Variants in POGLUT2 observed in about 807,000 individuals in gnomAD.
POGLUT2 encodes the protein ER protein 58.
A neutral mutation model predicts 57.6 loss-of-function variants in POGLUT2; 47 were observed. That is an observed-to-expected ratio of 0.82 (90% CI 0.65 to 1.04). The LOEUF (loss-of-function observed/expected upper bound fraction) is 1.04, where lower values mean the gene tolerates loss of function less well. POGLUT2 is among the 50% of genes least tolerant of loss of function. The pLI, the probability that POGLUT2 is intolerant of heterozygous loss-of-function variation, is 0.00. For missense variants in POGLUT2, 565 were observed against 614.8 expected, an observed-to-expected ratio of 0.92 and a Z score of 0.86; for synonymous variants, 200 against 218.8, an observed-to-expected ratio of 0.91 and a Z score of 0.76.
intron 2 of POGLUT2, among the ~76,000 whole-genome samples, chr13:102,795,161 A>G (rs1878327118): frequency 6.6e-6 from 1 of 150,976 alleles, no homozygotes; most frequent in Admixed American, 6.6e-5. Context: ...CTGAGGCAGC[A>G]GAATCGCTTG....
chr13:102,794,815 G>C (rs929320993), intron 2 of POGLUT2, among the ~76,000 whole-genome samples: 3 of 152,030 alleles, frequency 2.0e-5, no homozygotes, highest in African/African-American at 7.2e-5. Flanking sequence ...AGACAAAAGT[G>C]ATATGATTTA....
Position 102,798,808 on chromosome 13 carries a change from G to A in POGLUT2, c.-138C>T, listed in dbSNP as rs1220105234. On this transcript the variant is annotated 5_prime_UTR_variant, in exon 1 of 10. Transcript: ENST00000376004. ...GACTGCAAAGGTTGCCGCCCGGCGT[G>A]CAGGGCAGGCGCGCGGGTCTCCGCG... 4 of 886,396 alleles carry A rather than the reference G, an allele frequency of 4.5e-6. No individual in the cohort carries two copies. Among genetic ancestry groups the A allele is most frequent in the Non-Finnish European group, 6.6e-6 (4 of 609,524 alleles). The allele number at this position is 886,396 out of a possible 1,614,324, so 54.9% of individuals were successfully genotyped here.
At chr13:102,798,401 G>T in intron 1 of POGLUT2, 88 bp downstream of exon 1, 1 of 1,265,822 alleles carries the variant, frequency 7.9e-7, no homozygotes, top group Non-Finnish European at 1.1e-6. Flanking sequence ...CTGCTGTGGA[G>T]AAACGAGTTC....
intron 2 of POGLUT2, 95 bp from the exon 3 acceptor site, chr13:102,793,901 G>T: frequency 1.8e-6 from 2 of 1,116,500 alleles, no homozygotes; most frequent in Non-Finnish European, 2.7e-6. Context: ...CATGAATTTT[G>T]CTTAGTTACA....
intron 3 of POGLUT2, 75 bp downstream of exon 3, chr13:102,793,526 A>G: frequency 7.2e-7 from 1 of 1,386,090 alleles, no homozygotes. Context: ...AAAATGATTT[A>G]GCTAATTGTA....
rs1301554299 is a variant in POGLUT2 at position 102,787,970 on chromosome 13, C to T, written c.1294-47G>A. On this transcript the variant is annotated intron_variant, in intron 7 of 9. Transcript: ENST00000376004. ...AATCCTGTAATAGAATCCATTTTTCCCATGCAGGCATCTGCAAACTGCTCT... is the reference window on the plus strand; with the variant it reads ...AATCCTGTAATAGAATCCATTTTTCTCATGCAGGCATCTGCAAACTGCTCT... 3.2e-6 allele frequency: 4 copies of T among 1,245,682 alleles called. No individual in the cohort carries two copies. The South Asian group carries it at 4.0e-5, about 12-fold the overall frequency. 77.2% of individuals were successfully genotyped at this position (1,245,682 alleles called of 1,614,324 possible). A position where few individuals can be genotyped will look rare whatever the true frequency, so the allele number is the denominator to read the frequency against.
chr13:102,793,166 G>A (rs1878249476), intron 4 of POGLUT2, 175 bp downstream of exon 4: 3 of 539,344 alleles, frequency 5.6e-6, no homozygotes, highest in South Asian at 5.8e-5. Flanking sequence ...ACTTTGTTAC[G>A]GCAGCCCTAG....
intron 2 of POGLUT2, 33 bp from the exon 3 acceptor site, chr13:102,793,839 G>T: frequency 6.4e-7 from 1 of 1,564,294 alleles, no homozygotes; most frequent in South Asian, 1.1e-5. Context: ...GTACAACAGT[G>T]ATCATTTCAC....
intron 2 of POGLUT2, among the ~76,000 whole-genome samples, chr13:102,795,436 G>C (rs1878340222): frequency 6.6e-6 from 1 of 151,896 alleles, no homozygotes; most frequent in Middle Eastern, 3.2e-3. Flanking sequence ...GGTGGTGAGT[G>C]CCTGTAGTCC....
chr13:102,791,731 T>C (rs1878188751), intron 4 of POGLUT2, among the ~76,000 whole-genome samples: 1 of 152,126 alleles, frequency 6.6e-6, no homozygotes. Context: ...AAAATAGCAC[T>C]TGGGACTCTA....
chr13:102,792,583 G>T (rs1237505697), intron 4 of POGLUT2, among the ~76,000 whole-genome samples: 1 of 152,186 alleles, frequency 6.6e-6, no homozygotes, highest in Non-Finnish European at 1.5e-5. Context: ...ACTGGAGTAG[G>T]CTGGGCCATT....
chr13:102,787,945 A>G, intron 7 of POGLUT2, 22 bp from the exon 8 acceptor site: 1 of 1,479,722 alleles, frequency 6.8e-7, no homozygotes, highest in Non-Finnish European at 9.4e-7. Context: ...ACAACGACAA[A>G]ATCCTGTAAT....
At chr13:102,798,452 C>T in intron 1 of POGLUT2, 37 bp downstream of exon 1, 1 of 1,499,578 alleles carries the variant, frequency 6.7e-7, no homozygotes, top group Non-Finnish European at 9.0e-7. Context: ...GATTTAACCG[C>T]CATCCAAAAT....
At chr13:102,795,594 A>G (rs1368243125) in intron 2 of POGLUT2, among the ~76,000 whole-genome samples, 3 of 152,178 alleles carry the variant, frequency 2.0e-5, no homozygotes, top group Non-Finnish European at 4.4e-5. Context: ...AAGCAAAAGT[A>G]ATTCTCAAAA....
chr13:102,798,542 G>C lies in POGLUT2; in HGVS notation c.129C>G (p.Val43=). ...TATAGAAATAGCGGGCGGGAAGGACGACGTCTGCTTTTAGCCCGGGTCCCC... is the reference window on the plus strand; with the variant it reads ...TATAGAAATAGCGGGCGGGAAGGACCACGTCTGCTTTTAGCCCGGGTCCCC... The part of the protein sequence containing the change: ...EIWGPGLKAD[V]VLPARYFYIQ... The change falls in exon 1 of 10, where the codon GTC becomes GTG. Residue 43 remains valine, a synonymous_variant. Coordinates refer to ENST00000376004, the MANE Select transcript of POGLUT2 (RefSeq NM_024089.3). 7 of 1,612,666 alleles carry C rather than the reference G, an allele frequency of 4.3e-6. No homozygotes were observed. The highest frequency in any genetic ancestry group is 5.9e-6 in the Non-Finnish European group (7 of 1,179,354).
At chr13:102,788,284 C>T (rs952034686) in intron 7 of POGLUT2, among the ~76,000 whole-genome samples, 10 of 152,234 alleles carry the variant, frequency 6.6e-5, no homozygotes, top group African/African-American at 2.4e-4. Flanking sequence ...TTCCATCCCT[C>T]TTTATTTCTG....
At position 102,787,026 on chromosome 13, in the gene POGLUT2, C is replaced by T. The variant is rs151325582; in HGVS notation, c.1384-687G>A. On this transcript the variant is annotated intron_variant, in intron 8 of 9. Coordinates refer to ENST00000376004, the MANE Select transcript of POGLUT2 (RefSeq NM_024089.3). ...TATTAGCCAAGAACTTGTTTACTAC[C>T]TGATTTTGTTTTTTTTTTTTTGTTT... 4.7e-3 allele frequency among the ~76,000 whole-genome samples: 710 copies of T among 151,874 alleles called. 6 individuals carry two copies. Among genetic ancestry groups the T allele is most frequent in the African/African-American group, 0.016 (665 of 41,426 alleles).
In POGLUT2 at chr13:102,791,241, C is replaced by T. The variant is rs760478940; in HGVS notation, c.845+17G>A. 12 of 1,602,038 alleles carry T rather than the reference C, an allele frequency of 7.5e-6. No individual in the cohort carries two copies. Among genetic ancestry groups the T allele is most frequent in the Non-Finnish European group, 1.0e-5 (12 of 1,174,500 alleles). ...AAGAAAACCAAGGCTCTGGGCCAAC[C>T]CTGACTTATCTCTCACCGGCCCATG... On this transcript the variant is annotated intron_variant, in intron 5 of 9. Transcript: ENST00000376004.
Position 102,791,285 on chromosome 13 carries a change from G to A in POGLUT2, c.818C>T (p.Thr273Ile). Reference sequence around the variant, plus strand: ...GCCCATGGTTTCCAGAACAGAATCAGTCAAATCGTACGTAGGCATCACGAT... The same window carrying A: ...GCCCATGGTTTCCAGAACAGAATCAATCAAATCGTACGTAGGCATCACGAT... ...KDIVMPTYDL[T>I]DSVLETMGRV... The change falls in exon 5 of 10, where the codon ACT becomes ATT. Residue 273 changes from threonine (T) to isoleucine (I), a missense_variant. Thr to Ile is a moderately conservative substitution (Grantham distance 89). Coordinates refer to ENST00000376004, the MANE Select transcript of POGLUT2 (RefSeq NM_024089.3). The A allele has an allele frequency of 6.2e-7, 1 of 1,607,964 alleles. No homozygotes were observed.
Sources: allele counts gnomAD v4.1 joint callset (sites outside exome capture counted in the v4.1 genomes callset), GRCh38; gene constraint gnomAD v4.1.1; transcripts MANE v1.5; gene names NCBI Gene and HGNC (gene_info 2026-07-23, HGNC 2026-07-21).